The following MAD1L1 variants were observed in gnomAD, a reference collection of about 807,000 sequenced individuals.
The protein encoded by MAD1L1 is mitotic spindle assembly checkpoint protein MAD1.
MAD1L1 carries 95 observed loss-of-function variants against 96.9 expected under a neutral mutation model. The ratio of observed to expected loss-of-function variants is 0.98; its 90% CI spans 0.83 to 1.16. The LOEUF is 1.16. Ranked by LOEUF, MAD1L1 falls within the 50% of genes most tolerant of loss-of-function variation. The pLI is 0.00. For missense variants in MAD1L1, 1,007 were observed against 954.4 expected (o/e 1.06, Z -0.73); for synonymous variants, 473 against 396.6 (o/e 1.19, Z -2.29).
chr7:1,955,255 C>T (rs939938), intron 16 of MAD1L1, among the ~76,000 whole-genome samples: 149,661 of 152,320 alleles, frequency 0.98, 73,571 homozygotes, highest in Middle Eastern at 1. Context: ...CCAGAGGGAG[C>T]GGGAGCAGGG....
chr7:1,851,667 A>G (rs4721118), intron 18 of MAD1L1, among the ~76,000 whole-genome samples: 96,038 of 152,066 alleles, frequency 0.63, 30,546 homozygotes, highest in South Asian at 0.79. Flanking sequence ...GGAAGACGGC[A>G]GGAGGTCCAC....
At chr7:2,205,084 C>CTTT (rs56101356) in intron 10 of MAD1L1, among the ~76,000 whole-genome samples, 1,064 of 103,424 alleles carry the variant, frequency 0.01, 1 homozygote, top group East Asian at 0.02. Context: ...AGGATCTTTT[C>CTTT]TTTTTTTTTT....
Position 1,939,078 on chromosome 7 carries a change from A to G in MAD1L1, c.1597-2181T>C, listed in dbSNP as rs528653601. 1.3e-3 allele frequency among the ~76,000 whole-genome samples: 136 copies of G among 107,096 alleles called. 2 individuals are homozygous for G. Among genetic ancestry groups the G allele is most frequent in the African/African-American group, 4.6e-3 (126 of 27,254 alleles). The allele number at this position is 107,096 out of a possible 152,430, so 70.3% of individuals were successfully genotyped here. On this transcript the variant is annotated intron_variant, in intron 16 of 18. Coordinates refer to ENST00000265854, the MANE Select transcript of MAD1L1 (RefSeq NM_001013836.2). ...CACACACACACGGGCCAGAGCCGGG[A>G]CCAGAGGCGCGCACACACACACGGG...
intron 18 of MAD1L1, among the ~76,000 whole-genome samples, chr7:1,828,308 G>A (rs1249044011): frequency 2.0e-5 from 3 of 152,238 alleles, no homozygotes. Context: ...CCCAGGCAGG[G>A]CCTCGCGGGA....
intron 14 of MAD1L1, among the ~76,000 whole-genome samples, chr7:1,996,277 G>C (rs1310053886): frequency 8.9e-6 from 1 of 112,816 alleles, no homozygotes; most frequent in Non-Finnish European, 1.9e-5. Context: ...GGGTCCCCCC[G>C]GGTCTACACA....
intron 16 of MAD1L1, among the ~76,000 whole-genome samples, chr7:1,942,699 G>T (rs559906182): frequency 3.3e-5 from 5 of 152,246 alleles, no homozygotes; most frequent in African/African-American, 1.2e-4. Context: ...CGGCGCTGTC[G>T]GGACCAGAGA....
chr7:1,826,678 A>G (rs1782412135), intron 18 of MAD1L1, among the ~76,000 whole-genome samples: 1 of 152,260 alleles, frequency 6.6e-6, no homozygotes, highest in South Asian at 2.1e-4. Flanking sequence ...CCTGGCGGCA[A>G]CTGGGTCAGG....
chr7:1,858,781 G>T (rs1784381143), intron 18 of MAD1L1, among the ~76,000 whole-genome samples: 1 of 152,210 alleles, frequency 6.6e-6, no homozygotes, highest in Non-Finnish European at 1.5e-5. Context: ...AGGGCAAGGG[G>T]CCCCCAGCTG....
rs368497812 is a variant in MAD1L1 at position 1,870,158 on chromosome 7, G to T, written c.1998+28042C>A. 1.3e-3 allele frequency among the ~76,000 whole-genome samples: 198 copies of T among 152,170 alleles called. 5 individuals carry two copies. The South Asian group carries it at 0.039, about 30-fold the overall frequency. On this transcript the variant is annotated intron_variant, in intron 18 of 18. Coordinates refer to ENST00000265854, the MANE Select transcript of MAD1L1 (RefSeq NM_001013836.2). ...GAAGGCTGTGCAGGTGGCAGCTCAC[G>T]ATGTGTCACATCCGGCCTAGTTGGT...
intron 18 of MAD1L1, among the ~76,000 whole-genome samples, chr7:1,891,918 T>C (rs1393072520): frequency 2.0e-5 from 3 of 152,158 alleles, no homozygotes; most frequent in South Asian, 2.1e-4. Flanking sequence ...GTATTTTTAA[T>C]AGTTGAGTGT....
chr7:2,067,612 T>C (rs993087232), intron 12 of MAD1L1, among the ~76,000 whole-genome samples: 7 of 152,048 alleles, frequency 4.6e-5, no homozygotes, highest in Non-Finnish European at 8.8e-5. Context: ...ACCCCCGCAG[T>C]GGTCAGCCCG....
intron 11 of MAD1L1, among the ~76,000 whole-genome samples, chr7:2,092,483 G>A (rs964242818): frequency 2.0e-5 from 3 of 151,400 alleles, no homozygotes; most frequent in African/African-American, 7.3e-5. Context: ...TTTCAACCAC[G>A]CCCCGCCTAA....
chr7:1,862,702 C>A (rs138402515), intron 18 of MAD1L1, among the ~76,000 whole-genome samples: 2,038 of 152,318 alleles, frequency 0.013, 39 homozygotes, highest in African/African-American at 0.046. Flanking sequence ...TTTTCTTTAA[C>A]CCAACTTTCC....
At chr7:2,011,741 C>A (rs1043181315) in intron 13 of MAD1L1, among the ~76,000 whole-genome samples, 9 of 152,208 alleles carry the variant, frequency 5.9e-5, no homozygotes, top group African/African-American at 2.2e-4. Flanking sequence ...GGCACCTGCA[C>A]AGGCTCAGGG....
At position 2,041,564 on chromosome 7, in the gene MAD1L1, G is replaced by C. The variant is rs1045124489; in HGVS notation, c.1219-26922C>G. Among the ~76,000 whole-genome samples the C allele has an allele frequency of 8.5e-5, 13 of 152,150 alleles. 1 individual carries two copies. The highest frequency in any genetic ancestry group is 2.9e-4 in the African/African-American group (12 of 41,458). On this transcript the variant is annotated intron_variant, in intron 12 of 18. Coordinates refer to ENST00000265854, the MANE Select transcript of MAD1L1 (RefSeq NM_001013836.2). ...CAGTCACATCTGCACAAACCTGAAA[G>C]GAGCTCAGCTCTGTCCCCTGCTGTC...
intron 11 of MAD1L1, among the ~76,000 whole-genome samples, chr7:2,075,132 G>GAGGC (rs1424951439): frequency 3.9e-5 from 6 of 152,218 alleles, no homozygotes; most frequent in African/African-American, 1.4e-4. Flanking sequence ...AGGTCCAGCA[G>GAGGC]AGGCAGCCCT....
intron 6 of MAD1L1, among the ~76,000 whole-genome samples, chr7:2,218,834 G>A (rs1022675004): frequency 6.6e-6 from 1 of 152,118 alleles, no homozygotes; most frequent in African/African-American, 2.4e-5. Context: ...AGGAGGCGGA[G>A]GCTGCAGTGA....
chr7:2,135,924 T>C (rs1788727756), intron 11 of MAD1L1, among the ~76,000 whole-genome samples: 2 of 152,330 alleles, frequency 1.3e-5, no homozygotes, highest in Admixed American at 6.5e-5. Flanking sequence ...AGCGTGGCCA[T>C]GATCAGGACC....
chr7:2,012,050 G>C (rs1403387816), intron 13 of MAD1L1, among the ~76,000 whole-genome samples: 2 of 152,210 alleles, frequency 1.3e-5, no homozygotes, highest in Non-Finnish European at 2.9e-5. Flanking sequence ...CCAGGAGACA[G>C]ACAGGAAGGG....
Sources: allele counts gnomAD v4.1 joint callset (sites outside exome capture counted in the v4.1 genomes callset), GRCh38; gene constraint gnomAD v4.1.1; transcripts MANE v1.5; gene names NCBI Gene and HGNC (gene_info 2026-07-23, HGNC 2026-07-21).